Variants in JAM3 observed in about 807,000 individuals in gnomAD.
The protein encoded by JAM3 is junctional adhesion molecule 3.
Under a neutral mutation model 39.4 loss-of-function variants are expected in JAM3, and 31 were observed. That is an observed-to-expected ratio of 0.79 (90% confidence interval 0.59 to 1.06). JAM3 has a LOEUF of 1.06. Among genes scored for constraint, JAM3 ranks in the 50% least tolerant of loss-of-function variants. The probability of loss-of-function intolerance (pLI) is 0.00; values close to 1 mark genes in which losing one functional copy is unlikely to be tolerated. For missense variants in JAM3, 455 were observed against 391.4 expected, an observed-to-expected ratio of 1.16 and a Z score of -1.37; for synonymous variants, 182 against 148.7, an observed-to-expected ratio of 1.22 and a Z score of -1.63.
At chr11:134,069,300 G>A (rs1255372279) in intron 1 of JAM3, 141 bp downstream of exon 1, 5 of 1,178,498 alleles carry the variant, frequency 4.2e-6, no homozygotes, top group African/African-American at 1.6e-5. Flanking sequence ...CCGGAGGGGC[G>A]GCGCGCGCCC....
chr11:134,086,381 C>T (rs1044517093), intron 1 of JAM3, among the ~76,000 whole-genome samples: 2 of 151,104 alleles, frequency 1.3e-5, no homozygotes, highest in Non-Finnish European at 2.9e-5. Flanking sequence ...AATATTTTAT[C>T]TAGAGGACAG....
chr11:134,085,480 G>A (rs186336453), intron 1 of JAM3, among the ~76,000 whole-genome samples: 2 of 152,236 alleles, frequency 1.3e-5, no homozygotes, highest in South Asian at 2.1e-4. Context: ...ATTTTGTTTT[G>A]TGTTGCCAGC....
intron 1 of JAM3, chr11:134,139,553 G>A (rs1002422925): frequency 7.5e-6 from 3 of 400,770 alleles, no homozygotes; most frequent in South Asian, 4.3e-5. Context: ...GGTGTCGAAG[G>A]GTCAATAGGA....
intron 1 of JAM3, among the ~76,000 whole-genome samples, chr11:134,121,822 C>CGT (rs397818615): frequency 4.1e-5 from 3 of 72,658 alleles, no homozygotes; most frequent in Non-Finnish European, 7.6e-5. Flanking sequence ...CATGTGTGCG[C>CGT]ACACACACAC....
intron 1 of JAM3, among the ~76,000 whole-genome samples, chr11:134,131,059 T>C (rs537746314): frequency 8.6e-5 from 13 of 151,880 alleles, no homozygotes; most frequent in African/African-American, 2.4e-4. Flanking sequence ...TGAAGGAAAA[T>C]AGAAAGCTGT....
rs144435455 is a variant in JAM3 at position 134,093,478 on chromosome 11, C to T, written c.76+24319C>T. 9.1e-3 allele frequency among the ~76,000 whole-genome samples: 1,219 copies of T among 134,236 alleles called. 106 individuals carry two copies. The highest frequency in any genetic ancestry group is 0.033 in the African/African-American group (1,130 of 34,622). 88.1% of individuals were successfully genotyped at this position (134,236 alleles called of 152,430 possible). A position where few individuals can be genotyped will look rare whatever the true frequency, so the allele number is the denominator to read the frequency against. On this transcript the variant is annotated intron_variant, in intron 1 of 8. Transcript: ENST00000299106. ...GTCATGTTCCACCTTACATCTTATT[C>T]ATCATGTTCCATCTTACATGTCACT...
intron 1 of JAM3, among the ~76,000 whole-genome samples, chr11:134,132,421 G>A (rs1219179708): frequency 6.6e-6 from 1 of 152,146 alleles, no homozygotes; most frequent in African/African-American, 2.4e-5. Context: ...TAGGAAATAT[G>A]AAAGGGAGAC....
rs575465569 is a variant in JAM3, at chr11:134,138,307, G to A, written c.77-1544G>A. The stretch of plus-strand genomic sequence containing the variant: ...TGTTTATGGCCAATAGTCCCTTAGA[G>A]CCAGTGGTGGCGTCTGGTCGAAGTC... On this transcript the variant is annotated intron_variant, in intron 1 of 8. Coordinates refer to ENST00000299106, the MANE Select transcript of JAM3 (RefSeq NM_032801.5). Among the ~76,000 whole-genome samples the A allele has an allele frequency of 9.1e-5, 10 of 110,408 alleles. 1 individual carries two copies. The highest frequency in any genetic ancestry group is 4.4e-4 in the Admixed American group (5 of 11,370). The allele number at this position is 110,408 out of a possible 152,430, so 72.4% of individuals were successfully genotyped here. A position where few individuals can be genotyped will look rare whatever the true frequency, so the allele number is the denominator to read the frequency against.
chr11:134,121,136 G>A (rs1460620638), intron 1 of JAM3, among the ~76,000 whole-genome samples: 2 of 152,174 alleles, frequency 1.3e-5, no homozygotes, highest in Non-Finnish European at 2.9e-5. Context: ...AGCCTGTTGA[G>A]TTAGAACTGG....
At chr11:134,137,996 T>C (rs1200739487) in intron 1 of JAM3, among the ~76,000 whole-genome samples, 4 of 82,810 alleles carry the variant, frequency 4.8e-5, no homozygotes, top group Non-Finnish European at 9.4e-5. Context: ...GAAATGTTTA[T>C]GGCCAATAGT....
rs1381253350 is a variant in JAM3 at position 134,144,275 on chromosome 11, G to C, written c.291G>C (p.Lys97Asn). 3 of 1,614,090 alleles carry C rather than the reference G, an allele frequency of 1.9e-6. No individual in the cohort carries two copies. In the Admixed American group the frequency reaches 5.0e-5, roughly 27 times the overall value. Residue 97 changes from lysine to asparagine, a missense_variant, in exon 4 of 9, where the codon AAG becomes AAC. Lys to Asn is a moderately conservative substitution (Grantham distance 94). Transcript: ENST00000299106. The stretch of plus-strand genomic sequence containing the variant: ...CGGGTCGTGCAGAAATACTGGGGAA[G>C]ACATCCCTGAAGATCTGGAATGTGA... ...DLAGRAEILGKTSLKIWNVTR... is the reference protein window; with the variant it reads ...DLAGRAEILGNTSLKIWNVTR...
chr11:134,070,277 A>G (rs907072404), intron 1 of JAM3: 22 of 454,098 alleles, frequency 4.8e-5, no homozygotes, highest in Admixed American at 9.5e-5. Context: ...AGCCATCCGC[A>G]GGTAACCAGA....
At chr11:134,116,330 T>G (rs1234490280) in intron 1 of JAM3, among the ~76,000 whole-genome samples, 1 of 152,230 alleles carries the variant, frequency 6.6e-6, no homozygotes, top group Admixed American at 6.5e-5. Context: ...TTATTTCCTA[T>G]TTCCCTTATT....
At chr11:134,139,995 T>C (rs1336101753) in intron 2 of JAM3, 79 bp downstream of exon 2, 1 of 1,115,568 alleles carries the variant, frequency 9.0e-7, no homozygotes, top group East Asian at 2.4e-5. Flanking sequence ...TCAGGACACA[T>C]CTGTCTCTGT....
At chr11:134,100,891 A>G (rs1362934250) in intron 1 of JAM3, among the ~76,000 whole-genome samples, 1 of 152,196 alleles carries the variant, frequency 6.6e-6, no homozygotes, top group African/African-American at 2.4e-5. Context: ...ACAAACACTT[A>G]GTTTTAAAGT....
chr11:134,076,603 A>G (rs772328793), intron 1 of JAM3, among the ~76,000 whole-genome samples: 1 of 152,154 alleles, frequency 6.6e-6, no homozygotes, highest in Non-Finnish European at 1.5e-5. Context: ...TGTATTATAA[A>G]TGGATATTTG....
chr11:134,139,561 G>A, intron 1 of JAM3: 1 of 418,730 alleles, frequency 2.4e-6, no homozygotes, highest in Non-Finnish European at 4.5e-6. Context: ...AGGGTCAATA[G>A]GAAATGCTTA....
chr11:134,110,715 C>T (rs538940116), intron 1 of JAM3, among the ~76,000 whole-genome samples: 6 of 118,650 alleles, frequency 5.1e-5, no homozygotes, highest in East Asian at 4.6e-4. Flanking sequence ...GTGGGTAGGT[C>T]GGCTAGAAAC....
At chr11:134,096,892 T>C (rs1941994562) in intron 1 of JAM3, among the ~76,000 whole-genome samples, 2 of 152,178 alleles carry the variant, frequency 1.3e-5, no homozygotes, top group Non-Finnish European at 2.9e-5. Flanking sequence ...ATCTAGCAAA[T>C]CTAGTATCTT....
Sources: allele counts gnomAD v4.1 joint callset (sites outside exome capture counted in the v4.1 genomes callset), GRCh38; gene constraint gnomAD v4.1.1; transcripts MANE v1.5; gene names NCBI Gene and HGNC (gene_info 2026-07-23, HGNC 2026-07-21).